The following NTN4 variants were observed in gnomAD, a reference collection of about 807,000 sequenced individuals.
NTN4 encodes the protein netrin 4.
In NTN4, 32 loss-of-function variants were observed where a neutral mutation model predicts 73.6. The observed-to-expected ratio is 0.44, with a 90% CI of 0.33 to 0.58. The LOEUF (loss-of-function observed/expected upper bound fraction) is 0.58, where lower values mean the gene tolerates loss of function less well. Among genes scored for constraint, NTN4 ranks in the 20% least tolerant of loss-of-function variants. The pLI is 0.04. For synonymous variants in NTN4, 258 were observed against 287.5 expected, an observed-to-expected ratio of 0.90 and a Z score of 1.04; for missense variants, 654 against 798.3, an observed-to-expected ratio of 0.82 and a Z score of 2.18.
At chr12:95,663,201 T>C (rs2078152126) in intron 9 of NTN4, among the ~76,000 whole-genome samples, 1 of 151,902 alleles carries the variant, frequency 6.6e-6, no homozygotes, top group Non-Finnish European at 1.5e-5. Context: ...AAACTACAAA[T>C]AGAATAAACA....
chr12:95,741,159 GACA>G (rs2078820600), intron 2 of NTN4, among the ~76,000 whole-genome samples: 1 of 151,852 alleles, frequency 6.6e-6, no homozygotes, highest in African/African-American at 2.4e-5. Context: ...TGGATGTACA[GACA>G]GTAGTCCGCC....
At chr12:95,754,841 T>G (rs549570100) in intron 2 of NTN4, among the ~76,000 whole-genome samples, 1 of 152,382 alleles carries the variant, frequency 6.6e-6, no homozygotes, top group South Asian at 2.1e-4. Context: ...ACAGCCATGT[T>G]GCTCACACAA....
At chr12:95,742,430 T>C (rs1409219337) in intron 2 of NTN4, among the ~76,000 whole-genome samples, 19 of 151,646 alleles carry the variant, frequency 1.3e-4, no homozygotes, top group Admixed American at 5.3e-4. Flanking sequence ...AAACAGAGCA[T>C]CAATACAGTG....
At chr12:95,662,465 A>G (rs897232234) in intron 9 of NTN4, among the ~76,000 whole-genome samples, 1 of 152,028 alleles carries the variant, frequency 6.6e-6, no homozygotes, top group Admixed American at 6.6e-5. Context: ...TCCTAGGCTC[A>G]AGCAATCCAC....
At chr12:95,671,090 C>T (rs984910201) in intron 7 of NTN4, 11 of 152,078 alleles carry the variant, frequency 7.2e-5, no homozygotes, top group Admixed American at 6.6e-5. Context: ...CCTCTGTCTC[C>T]CGGGTTCAAG....
chr12:95,733,891 G>A (rs1442271830), intron 3 of NTN4, among the ~76,000 whole-genome samples: 7 of 151,888 alleles, frequency 4.6e-5, no homozygotes, highest in East Asian at 3.9e-4. Context: ...CCTACAGGGC[G>A]AAACCCCATC....
At chr12:95,733,451 A>G (rs2078752903) in intron 3 of NTN4, among the ~76,000 whole-genome samples, 1 of 152,220 alleles carries the variant, frequency 6.6e-6, no homozygotes, top group African/African-American at 2.4e-5. Flanking sequence ...GAGATAATAC[A>G]ATAGAATCAT....
intron 5 of NTN4, among the ~76,000 whole-genome samples, chr12:95,684,974 A>G (rs1412909743): frequency 6.6e-6 from 1 of 152,114 alleles, no homozygotes; most frequent in South Asian, 2.1e-4. Flanking sequence ...GGCTCAAGCA[A>G]TCCTCCTGCT....
intron 3 of NTN4, among the ~76,000 whole-genome samples, chr12:95,732,486 C>T (rs2078745656): frequency 1.3e-5 from 1 of 79,656 alleles, no homozygotes; most frequent in East Asian, 3.1e-4. Flanking sequence ...TCACTGCAAA[C>T]TCTGCCTCCT....
intron 2 of NTN4, among the ~76,000 whole-genome samples, chr12:95,777,573 C>A (rs1033441931): frequency 6.6e-6 from 1 of 152,158 alleles, no homozygotes; most frequent in Non-Finnish European, 1.5e-5. Context: ...AAGGACATTA[C>A]ATAATGGTAA....
At chr12:95,672,707 A>T in intron 7 of NTN4, 1 of 1,421,100 alleles carries the variant, frequency 7.0e-7, no homozygotes, top group Non-Finnish European at 9.9e-7. Flanking sequence ...TTCTACAGCA[A>T]CATCAGTAAG....
At chr12:95,765,032 T>C (rs1198780885) in intron 2 of NTN4, among the ~76,000 whole-genome samples, 1 of 152,210 alleles carries the variant, frequency 6.6e-6, no homozygotes, top group East Asian at 1.9e-4. Context: ...ACAGAATCAC[T>C]TGGAAATTCC....
rs919357780 is a variant in NTN4, at chr12:95,670,744, G to A, written c.1511-598C>T. The stretch of plus-strand genomic sequence containing the variant: ...TGATAAAGTGATAAGTGGTCTGGGA[G>A]AGGTACAATATACTTGGGTGGAAGA... On this transcript the variant is annotated intron_variant, in intron 7 of 9. Transcript: ENST00000343702. Among the ~76,000 whole-genome samples, 10 of 150,592 alleles carry A rather than the reference G, an allele frequency of 6.6e-5. 1 individual carries two copies. The highest frequency in any genetic ancestry group is 1.2e-4 in the Non-Finnish European group (8 of 67,704).
chr12:95,661,714 T>C (rs575719411), intron 9 of NTN4, among the ~76,000 whole-genome samples: 8 of 152,278 alleles, frequency 5.3e-5, no homozygotes, highest in East Asian at 1.9e-4. Flanking sequence ...TTACAGAAGA[T>C]AGAAGAGATA....
intron 2 of NTN4, among the ~76,000 whole-genome samples, chr12:95,771,006 T>TTTTTTTTTTTTTTTTTTTTTTTTAG (rs2079054546): frequency 6.7e-6 from 1 of 148,362 alleles, no homozygotes; most frequent in African/African-American, 2.6e-5. Flanking sequence ...TTTTTTTTTT[T>TTTTTTTTTTTTTTTTTTTTTTTTAG]TGAGACAGAG....
intron 2 of NTN4, among the ~76,000 whole-genome samples, chr12:95,770,992 G>GTTTTGTTTTTCTTTTTTTT (rs1555221586): frequency 0.055 from 3,862 of 70,400 alleles, 181 homozygotes; most frequent in Non-Finnish European, 0.088. Flanking sequence ...AAAAGAATTT[G>GTTTTGTTTTTCTTTTTTTT]TTTTTTTTTT....
At chr12:95,720,552 A>AAT (rs1365684559) in intron 3 of NTN4, among the ~76,000 whole-genome samples, 2 of 151,922 alleles carry the variant, frequency 1.3e-5, no homozygotes, top group South Asian at 4.1e-4. Context: ...TCATTCAGGG[A>AAT]ATATATATAT....
rs2078175811 is a variant in NTN4, at chr12:95,665,922, C to T, written c.1638G>A (p.Val546=). The T allele has an allele frequency of 6.2e-7, 1 of 1,613,488 alleles. No homozygotes were observed. The highest frequency in any genetic ancestry group is 1.3e-5 in the African/African-American group (1 of 74,902). Residue 546 remains valine, a synonymous_variant, in exon 9 of 10, where the codon GTG becomes GTA. Transcript: ENST00000343702. ...TAGATTTTAAGACCTTTTTAATCTT[C>T]ACATTGACCTCAACATGAGTACCTT... The part of the protein sequence containing the change: ...HDKGTHVEVN[V]KIKKVLKSTK...
chr12:95,732,354 T>C (rs2078744011), intron 3 of NTN4, among the ~76,000 whole-genome samples: 1 of 151,568 alleles, frequency 6.6e-6, no homozygotes, highest in African/African-American at 2.4e-5. Flanking sequence ...CCTTAACATC[T>C]TAAAGATTGA....
Sources: allele counts gnomAD v4.1 joint callset (sites outside exome capture counted in the v4.1 genomes callset), GRCh38; gene constraint gnomAD v4.1.1; transcripts MANE v1.5; gene names NCBI Gene and HGNC (gene_info 2026-07-23, HGNC 2026-07-21).